VAPA: variants seen among roughly 807,000 people sequenced by gnomAD.
VAPA encodes vesicle-associated membrane protein-associated protein A.
Under a neutral mutation model 25.6 loss-of-function variants are expected in VAPA, and 6 were observed. That is an observed-to-expected ratio of 0.23 (90% CI 0.13 to 0.46). The LOEUF (loss-of-function observed/expected upper bound fraction) is 0.46, where lower values mean the gene tolerates loss of function less well. VAPA is among the 20% of genes least tolerant of loss of function. VAPA has a pLI of 0.99. For missense variants in VAPA, 244 were observed against 302.1 expected (o/e 0.81, Z 1.43); for synonymous variants, 112 against 106.2 (o/e 1.05, Z -0.34).
At chr18:9,917,298 G>T (rs2069119645) in intron 1 of VAPA, among the ~76,000 whole-genome samples, 1 of 152,002 alleles carries the variant, frequency 6.6e-6, no homozygotes, top group South Asian at 2.1e-4. Flanking sequence ...CCTATTAGCA[G>T]TTTTTTTAAA....
chr18:9,920,114 G>T (rs1483368908), intron 1 of VAPA, among the ~76,000 whole-genome samples: 1 of 152,132 alleles, frequency 6.6e-6, no homozygotes, highest in African/African-American at 2.4e-5. Flanking sequence ...CTTATTTGGG[G>T]GTGTGTGAGA....
intron 4 of VAPA, among the ~76,000 whole-genome samples, chr18:9,946,211 A>C (rs531367592): frequency 1.1e-4 from 16 of 152,354 alleles, no homozygotes; most frequent in Non-Finnish European, 1.6e-4. Flanking sequence ...ATATTGAGAA[A>C]TGTGTTGTTA....
intron 3 of VAPA, 53 bp from the exon 4 acceptor site, chr18:9,936,933 A>C: frequency 6.5e-7 from 1 of 1,538,474 alleles, no homozygotes; most frequent in Non-Finnish European, 9.0e-7. Context: ...GGTGAAACTT[A>C]CTTACCATGA....
intron 4 of VAPA, chr18:9,947,964 T>C (rs996236799): frequency 6.6e-6 from 1 of 152,202 alleles, no homozygotes; most frequent in Non-Finnish European, 1.5e-5. Context: ...TTCTTGCACC[T>C]GTTATGTATG....
At chr18:9,927,093 CAG>C (rs2069206495) in intron 1 of VAPA, among the ~76,000 whole-genome samples, 1 of 152,078 alleles carries the variant, frequency 6.6e-6, no homozygotes, top group Non-Finnish European at 1.5e-5. Flanking sequence ...ATTCTCTTAA[CAG>C]AAAACAAATA....
At chr18:9,930,863 C>CT (rs919133076) in intron 1 of VAPA, among the ~76,000 whole-genome samples, 1 of 151,942 alleles carries the variant, frequency 6.6e-6, no homozygotes, top group African/African-American at 2.4e-5. Flanking sequence ...TACTAACAAA[C>CT]TTTAAGCATA....
At chr18:9,935,998 A>G (rs2069306086) in intron 2 of VAPA, 112 bp from the exon 3 acceptor site, 1 of 645,374 alleles carries the variant, frequency 1.5e-6, no homozygotes, top group East Asian at 3.2e-5. Flanking sequence ...CTATTGCCAG[A>G]TACGGTTTAA....
rs1172783198 is a variant in VAPA at position 9,954,371 on chromosome 18, A to G, written c.*160A>G. ...CCTTTAATGATCTCTTACGGTTAGA[A>G]AACACAATAAAAACAAACTGTTCGG... On this transcript the variant is annotated 3_prime_UTR_variant, in exon 6 of 6. Transcript: ENST00000400000. 2 of 623,028 alleles carry G rather than the reference A, an allele frequency of 3.2e-6. No individual in the cohort carries two copies. Among genetic ancestry groups the G allele is most frequent in the Non-Finnish European group, 5.5e-6 (2 of 366,466 alleles). The allele number at this position is 623,028 out of a possible 1,614,324, so 38.6% of individuals were successfully genotyped here.
Position 9,957,467 on chromosome 18 carries a change from G to C in VAPA, c.*3256G>C, listed in dbSNP as rs1046491602. The C allele has an allele frequency of 3.3e-5, 5 of 152,122 alleles. No individual in the cohort carries two copies. In the East Asian group the frequency reaches 9.7e-4, roughly 29 times the overall value. The allele number at this position is 152,122 out of a possible 1,614,324, so 9.4% of individuals were successfully genotyped here. A position where few individuals can be genotyped will look rare whatever the true frequency, so the allele number is the denominator to read the frequency against. On this transcript the variant is annotated 3_prime_UTR_variant, in exon 6 of 6. Coordinates refer to ENST00000400000, the MANE Select transcript of VAPA (RefSeq NM_194434.3). ...GTAGGGTAAAAATATAGTTTTTGAG[G>C]GTATTCCCAACTTGTGATCTTCTAC...
In VAPA at chr18:9,955,694, T is replaced by G. The variant is rs889603843; in HGVS notation, c.*1483T>G. ...ATGAAGTACTCTGAAGTATTTTGGT[T>G]GCCTTTTCATTTCAACTGTGTTTTG... On this transcript the variant is annotated 3_prime_UTR_variant, in exon 6 of 6. Transcript: ENST00000400000. The G allele has an allele frequency of 6.6e-6, 1 of 152,230 alleles. No homozygotes were observed. The highest frequency in any genetic ancestry group is 2.4e-5 in the African/African-American group (1 of 41,460). 9.4% of individuals were successfully genotyped at this position (152,230 alleles called of 1,614,324 possible).
intron 4 of VAPA, among the ~76,000 whole-genome samples, chr18:9,946,555 T>C (rs1056944935): frequency 6.6e-6 from 1 of 151,798 alleles, no homozygotes; most frequent in Non-Finnish European, 1.5e-5. Context: ...TTTCTTCCAG[T>C]GAGGCCCAGG....
intron 4 of VAPA, among the ~76,000 whole-genome samples, chr18:9,939,788 T>G (rs1369705313): frequency 6.6e-6 from 1 of 152,186 alleles, no homozygotes; most frequent in Non-Finnish European, 1.5e-5. Context: ...TTAACCTGTT[T>G]AGTGGGCAGA....
In VAPA at chr18:9,959,587, G is replaced by A. The variant is rs2069584436; in HGVS notation, c.*5376G>A. On this transcript the variant is annotated 3_prime_UTR_variant, in exon 6 of 6. Transcript: ENST00000400000. ...AAGAGTTTTTTATAATTGACTTTGT[G>A]GTCTAAATTCTTGATACTGTTTATA... 6.6e-6 allele frequency: 1 copy of A among 151,802 alleles called. No homozygotes were observed. Among genetic ancestry groups the A allele is most frequent in the Non-Finnish European group, 1.5e-5 (1 of 67,940 alleles). The allele number at this position is 151,802 out of a possible 1,614,324, so 9.4% of individuals were successfully genotyped here. A position where few individuals can be genotyped will look rare whatever the true frequency, so the allele number is the denominator to read the frequency against.
rs147664208 is a variant in VAPA at position 9,958,769 on chromosome 18, A to G, written c.*4558A>G. On this transcript the variant is annotated 3_prime_UTR_variant, in exon 6 of 6. Transcript: ENST00000400000. ...CACTGTTAGGTATTGCTTAAAAAAA[A>G]TTGCATAAAAGCTTTGCTTGTCAAG... 6.6e-6 allele frequency: 1 copy of G among 152,346 alleles called. No individual in the cohort carries two copies. Among genetic ancestry groups the G allele is most frequent in the East Asian group, 1.9e-4 (1 of 5,186 alleles). The allele number at this position is 152,346 out of a possible 1,614,324, so 9.4% of individuals were successfully genotyped here.
chr18:9,931,700 C>G, intron 1 of VAPA, 110 bp from the exon 2 acceptor site: 1 of 942,592 alleles, frequency 1.1e-6, no homozygotes, highest in Non-Finnish European at 1.5e-6. Flanking sequence ...TTTATGCCTA[C>G]AAATGTCAGC....
At chr18:9,923,753 C>A (rs796812312) in intron 1 of VAPA, among the ~76,000 whole-genome samples, 5 of 152,124 alleles carry the variant, frequency 3.3e-5, no homozygotes, top group African/African-American at 1.2e-4. Context: ...AACAGATCCC[C>A]AAAAAATCTG....
chr18:9,953,202 T>C (rs374651877), intron 5 of VAPA, among the ~76,000 whole-genome samples: 1 of 152,196 alleles, frequency 6.6e-6, no homozygotes, highest in East Asian at 1.9e-4. Flanking sequence ...CATAGTGCTG[T>C]GTGAAGCCAT....
At position 9,936,320 on chromosome 18, in the gene VAPA, G is replaced by A; in HGVS notation, c.336+107G>A. Reference sequence around the variant, plus strand: ...TTCTAAAAACTAAAAGTTAAATTTAGGTTTTTAAAAAACTGCCAATTTCTT... The same window carrying A: ...TTCTAAAAACTAAAAGTTAAATTTAAGTTTTTAAAAAACTGCCAATTTCTT... On this transcript the variant is annotated intron_variant, in intron 3 of 5. Coordinates refer to ENST00000400000, the MANE Select transcript of VAPA (RefSeq NM_194434.3). The A allele has an allele frequency of 4.4e-6, 3 of 679,496 alleles. No individual in the cohort carries two copies. In the South Asian group the frequency reaches 1.1e-4, roughly 26 times the overall value. 42.1% of individuals were successfully genotyped at this position (679,496 alleles called of 1,614,324 possible).
chr18:9,941,610 A>C (rs2143390542), intron 4 of VAPA, among the ~76,000 whole-genome samples: 1 of 152,350 alleles, frequency 6.6e-6, no homozygotes, highest in Non-Finnish European at 1.5e-5. Flanking sequence ...TGGTTAAAAA[A>C]AAAGTATCTT....
Sources: gnomAD v4.1 joint callset for allele counts (sites outside exome capture counted in the v4.1 genomes callset) on GRCh38, gnomAD v4.1.1 for gene constraint, MANE v1.5 for transcripts, NCBI Gene and HGNC (gene_info 2026-07-23, HGNC 2026-07-21) for gene names.